The following PITRM1 variants were observed in gnomAD, a reference collection of about 807,000 sequenced individuals.
The protein encoded by PITRM1 is presequence protease, mitochondrial.
In PITRM1, 100 loss-of-function variants were observed where a neutral mutation model predicts 129.9. That is an observed-to-expected ratio of 0.77 (90% CI 0.65 to 0.91). The LOEUF (loss-of-function observed/expected upper bound fraction) is 0.91, where lower values mean the gene tolerates loss of function less well. Among genes scored for constraint, PITRM1 ranks in the 40% least tolerant of loss-of-function variants. The pLI is 0.00. For synonymous variants in PITRM1, 591 were observed against 508.8 expected (o/e 1.16, Z -2.17); for missense variants, 1,471 against 1,318.3 (o/e 1.12, Z -1.79).
rs1486650936 is a variant in PITRM1, at chr10:3,166,983, T to C, written c.219A>G (p.Gly73=). ...TAVKLTHDDT[G]ARYLHLARED... is the part of the protein sequence containing the mutation. ...CTCTGGCCAGGTGTAAATACCTGGC[T>C]CCTGTGTCATCATGGGTGAGCTTCA... The change falls in exon 3 of 27, where the codon GGA becomes GGG. Residue 73 remains glycine, a synonymous_variant. Coordinates refer to ENST00000224949, the MANE Select transcript of PITRM1 (RefSeq NM_014889.4). The C allele has an allele frequency of 6.2e-7, 1 of 1,611,536 alleles. No individual in the cohort carries two copies. Among genetic ancestry groups the C allele is most frequent in the African/African-American group, 1.3e-5 (1 of 75,034 alleles).
intron 9 of PITRM1, 101 bp from the exon 10 acceptor site, chr10:3,159,143 G>GTT (rs1842227547): frequency 1.7e-5 from 18 of 1,057,220 alleles, no homozygotes; most frequent in Admixed American, 3.0e-5. Context: ...CATCTTTCTA[G>GTT]AAATTCTTGC....
chr10:3,172,290 G>T (rs569486336), intron 1 of PITRM1: 2 of 481,686 alleles, frequency 4.2e-6, no homozygotes, highest in Non-Finnish European at 8.2e-6. Context: ...ATTCCGGGAG[G>T]CGTCAGTTCT....
chr10:3,151,365 T>TA lies in PITRM1; in HGVS notation c.1622-3dup. The TA allele has an allele frequency of 6.4e-7, 1 of 1,562,484 alleles. No homozygotes were observed. Among genetic ancestry groups the TA allele is most frequent in the Non-Finnish European group, 8.8e-7 (1 of 1,138,086 alleles). On this transcript the variant is annotated splice_polypyrimidine_tract_variant and splice_region_variant and intron_variant, in intron 14 of 26. Coordinates refer to ENST00000224949, the MANE Select transcript of PITRM1 (RefSeq NM_014889.4). ...TTTGTTGACTCCGTAATTCTAGACCTAAAAAAGAAACAAGAAAAAGGAATA... is the reference window on the plus strand; with the variant it reads ...TTTGTTGACTCCGTAATTCTAGACCTAAAAAAAGAAACAAGAAAAAGGAATA...
At chr10:3,153,651 C>G (rs938905099) in intron 14 of PITRM1, among the ~76,000 whole-genome samples, 3 of 151,654 alleles carry the variant, frequency 2.0e-5, no homozygotes, top group Non-Finnish European at 2.9e-5. Context: ...CAAAAAAAAA[C>G]CAGTTGTCTC....
rs146698243 is a variant in PITRM1, at chr10:3,170,721, C to T, written c.57-515G>A. On this transcript the variant is annotated intron_variant, in intron 1 of 26. Coordinates refer to ENST00000224949, the MANE Select transcript of PITRM1 (RefSeq NM_014889.4). ...CTTTAGAAAGGCTGAAGAGGCCGGG[C>T]GTGGTGGCTTACGTCTGTAATCCCA... is the stretch of plus-strand genomic sequence containing the variant. 4.2e-3 allele frequency among the ~76,000 whole-genome samples: 635 copies of T among 152,246 alleles called. 5 individuals carry two copies. The highest frequency in any genetic ancestry group is 0.014 in the Middle Eastern group (4 of 294).
At chr10:3,170,840 G>A (rs1451305892) in intron 1 of PITRM1, among the ~76,000 whole-genome samples, 2 of 152,186 alleles carry the variant, frequency 1.3e-5, no homozygotes, top group African/African-American at 4.8e-5. Context: ...GCAGGTGCCT[G>A]TAGTCCCAGA....
intron 1 of PITRM1, chr10:3,172,152 C>A (rs1356662695): frequency 2.2e-6 from 1 of 455,678 alleles, no homozygotes; most frequent in Non-Finnish European, 4.4e-6. Flanking sequence ...CCGTGCCTCC[C>A]GGCCTGGGCC....
In PITRM1 at chr10:3,165,241, C is replaced by G; in HGVS notation, c.627G>C (p.Ala209=). 6.4e-7 allele frequency: 1 copy of G among 1,555,928 alleles called. No homozygotes were observed. The highest frequency in any genetic ancestry group is 8.7e-7 in the Non-Finnish European group (1 of 1,152,328). ...ATAAAAAAGGAAGAAAACTTACAAA[C>G]GCTCCCTTCATCTCATTAAAGACGA... ...KGVVFNEMKG[A]FTDNERIFSQ... Residue 209 remains alanine, a synonymous_variant, in exon 6 of 27, where the codon GCG becomes GCC. Coordinates refer to ENST00000224949, the MANE Select transcript of PITRM1 (RefSeq NM_014889.4).
At chr10:3,166,716 T>C (rs949788167) in intron 3 of PITRM1, among the ~76,000 whole-genome samples, 6 of 152,220 alleles carry the variant, frequency 3.9e-5, no homozygotes, top group African/African-American at 1.4e-4. Context: ...CAGGATGGCT[T>C]GAAATGCAGC....
At chr10:3,146,006 T>TA in intron 20 of PITRM1, 1 of 360,422 alleles carries the variant, frequency 2.8e-6, no homozygotes, top group East Asian at 6.2e-5. Flanking sequence ...CAGAGACTAT[T>TA]AAGATCTGCT....
chr10:3,165,098 A>G (rs1480260858), intron 6 of PITRM1, 140 bp downstream of exon 6: 1 of 711,544 alleles, frequency 1.4e-6, no homozygotes, highest in African/African-American at 1.8e-5. Context: ...ACTTCTGCTC[A>G]CAGCACTGAC....
rs536225131 is a variant in PITRM1, at chr10:3,142,006, T to C, written c.2646-1194A>G. Among the ~76,000 whole-genome samples, 5 of 152,272 alleles carry C rather than the reference T, an allele frequency of 3.3e-5. No homozygotes were observed. The South Asian group carries it at 6.2e-4, about 19-fold the overall frequency. ...CTTCCTGAGAAATTTCTATTACTTG[T>C]ATATTAAAAACATGCTCACTTTTGA... On this transcript the variant is annotated intron_variant, in intron 23 of 26. Coordinates refer to ENST00000224949, the MANE Select transcript of PITRM1 (RefSeq NM_014889.4).
At chr10:3,166,098 TAG>T (rs1186155027) in intron 4 of PITRM1, 129 bp downstream of exon 4, 4 of 665,752 alleles carry the variant, frequency 6.0e-6, no homozygotes, top group Non-Finnish European at 9.8e-6. Flanking sequence ...GTCCTTCAAC[TAG>T]AGAGAGGTAA....
At chr10:3,155,223 C>T (rs183199414) in intron 14 of PITRM1, among the ~76,000 whole-genome samples, 2 of 152,314 alleles carry the variant, frequency 1.3e-5, no homozygotes, top group East Asian at 1.9e-4. Flanking sequence ...CCCGGTATGC[C>T]TGAGACAGGC....
Position 3,144,260 on chromosome 10 carries a change from C to T in PITRM1, c.2532+32G>A, listed in dbSNP as rs372799723. On this transcript the variant is annotated intron_variant, in intron 22 of 26. Coordinates refer to ENST00000224949, the MANE Select transcript of PITRM1 (RefSeq NM_014889.4). ...ACAGCCATGCAGGGAAGCACCCACC[C>T]GCTGGCAACCCGGATGGGCTGTGGT... The T allele has an allele frequency of 6.5e-5, 89 of 1,378,956 alleles. 1 individual carries two copies. The African/African-American group carries it at 1.1e-3, about 17-fold the overall frequency. The allele number at this position is 1,378,956 out of a possible 1,614,324, so 85.4% of individuals were successfully genotyped here.
chr10:3,172,311 C>A (rs1843447238), intron 1 of PITRM1: 1 of 496,676 alleles, frequency 2.0e-6, no homozygotes, highest in South Asian at 1.5e-5. Flanking sequence ...CTGAACACAG[C>A]GAGACTTTAA....
chr10:3,149,888 T>A, intron 15 of PITRM1, 135 bp from the exon 16 acceptor site: 1 of 934,262 alleles, frequency 1.1e-6, no homozygotes, highest in Non-Finnish European at 1.6e-6. Context: ...TATATAAATT[T>A]CCCAATCATA....
In PITRM1 at chr10:3,159,894, C is replaced by A. The variant is rs1386414900; in HGVS notation, c.961G>T (p.Asp321Tyr). 1 of 1,605,876 alleles carries A rather than the reference C, an allele frequency of 6.2e-7. No individual in the cohort carries two copies. Among genetic ancestry groups the A allele is most frequent in the Non-Finnish European group, 8.5e-7 (1 of 1,175,566 alleles). ...ITCGPDSFATDPSKQTTISVS... is the reference protein window; with the variant it reads ...ITCGPDSFATYPSKQTTISVS... ...CTGATGGTTGTTTGTTTAGAGGGATCTGTAGCAAATGAATCCGGGCCACAT... is the reference window on the plus strand; with the variant it reads ...CTGATGGTTGTTTGTTTAGAGGGATATGTAGCAAATGAATCCGGGCCACAT... The change falls in exon 9 of 27, where the codon GAT becomes TAT. Residue 321 changes from aspartate to tyrosine, a missense_variant. Coordinates refer to ENST00000224949, the MANE Select transcript of PITRM1 (RefSeq NM_014889.4).
chr10:3,137,995 G>T lies in PITRM1; in HGVS notation c.*36C>A. 1.6e-6 allele frequency: 2 copies of T among 1,229,622 alleles called. No individual in the cohort carries two copies. The highest frequency in any genetic ancestry group is 2.6e-5 in the South Asian group (2 of 78,392). The allele number at this position is 1,229,622 out of a possible 1,614,324, so 76.2% of individuals were successfully genotyped here. ...TTCATATTCAGCTCGGAGGTGTATT[G>T]TCTCGGGCTCCTGTGCAGTCGAGCG... On this transcript the variant is annotated 3_prime_UTR_variant, in exon 27 of 27. Coordinates refer to ENST00000224949, the MANE Select transcript of PITRM1 (RefSeq NM_014889.4).
Sources: gnomAD v4.1 joint callset for allele counts (sites outside exome capture counted in the v4.1 genomes callset) on GRCh38, gnomAD v4.1.1 for gene constraint, MANE v1.5 for transcripts, NCBI Gene and HGNC (gene_info 2026-07-23, HGNC 2026-07-21) for gene names.